Variants in PABPN1L observed in about 807,000 individuals in gnomAD.
The protein encoded by PABPN1L is PABPN1 like, cytoplasmic.
A neutral mutation model predicts 34.0 loss-of-function variants in PABPN1L; 45 were observed. The observed-to-expected ratio is 1.32, with a 90% CI of 1.04 to 1.70. PABPN1L has a LOEUF of 1.70. Among genes scored for constraint, PABPN1L ranks in the 40% most tolerant of loss-of-function variants. The pLI is 0.00. For synonymous variants in PABPN1L, 182 were observed against 152.1 expected (o/e 1.20, Z -1.45); for missense variants, 459 against 367.8 (o/e 1.25, Z -2.03).
At chr16:88,863,604 C>T (rs1414913673) in exon 7 of PABPN1L, 2 of 988,996 alleles carry the variant, frequency 2.0e-6, no homozygotes, top group South Asian at 1.4e-5. Flanking sequence ...ACTGGGCCAT[C>T]CCCCCGCCAA....
At chr16:88,864,420 C>T in intron 5 of PABPN1L, 41 bp from the exon 6 acceptor site, 1 of 1,530,900 alleles carries the variant, frequency 6.5e-7, no homozygotes, top group Non-Finnish European at 8.8e-7. Flanking sequence ...CAAGGAGCAG[C>T]CGAGACCCAG....
intron 6 of PABPN1L, 53 bp downstream of exon 6, chr16:88,864,184 T>C (rs1210158236): frequency 2.0e-6 from 3 of 1,512,248 alleles, no homozygotes; most frequent in Admixed American, 4.2e-5. Flanking sequence ...CTGCCCCTGA[T>C]GCCCTCCACC....
At chr16:88,865,764 A>G in intron 2 of PABPN1L, 42 bp downstream of exon 2, 3 of 1,575,456 alleles carry the variant, frequency 1.9e-6, no homozygotes, top group Non-Finnish European at 2.6e-6. Flanking sequence ...AAACTGTGGG[A>G]CCCTTGCTCA....
Position 88,865,016 on chromosome 16 carries a change from A to ACTGAC in PABPN1L, c.566+1_566+5dup. 1 of 1,599,430 alleles carries ACTGAC rather than the reference A, an allele frequency of 6.3e-7. No individual in the cohort carries two copies. Among genetic ancestry groups the ACTGAC allele is most frequent in the South Asian group, 1.1e-5 (1 of 88,994 alleles). On this transcript the variant is annotated splice_donor_region_variant and intron_variant, in intron 4 of 6. Transcript: ENST00000419291. ...GGCCAGTGCCCCCACCAGGCCCCAC[A>ACTGAC]CTGACCCCTTGGGGTGTCCAGAGAA...
upstream of PABPN1L, chr16:88,866,772 C>T: frequency 2.2e-6 from 2 of 928,526 alleles, no homozygotes; most frequent in Non-Finnish European, 1.5e-6. Flanking sequence ...AGCCTTGGCT[C>T]CCGGCCCCGC....
Position 88,864,842 on chromosome 16 carries a change from C to G in PABPN1L, c.654+11G>C. On this transcript the variant is annotated intron_variant, in intron 5 of 6. Transcript: ENST00000419291. ...CGCTCATGTTCCTGGACCTGGGGAG[C>G]ACCGGCGCACCTTGATGACCCGGCC... The G allele has an allele frequency of 6.3e-7, 1 of 1,599,378 alleles. No individual in the cohort carries two copies. The highest frequency in any genetic ancestry group is 8.5e-7 in the Non-Finnish European group (1 of 1,173,268).
chr16:88,867,235 C>CTT (rs892071561), upstream of PABPN1L, among the ~76,000 whole-genome samples: 3 of 123,710 alleles, frequency 2.4e-5, no homozygotes, highest in African/African-American at 9.2e-5. Flanking sequence ...TTTTTTTTTT[C>CTT]TTTTTTTTTT....
chr16:88,868,436 C>G (rs1322481551), upstream of PABPN1L, among the ~76,000 whole-genome samples: 1 of 152,102 alleles, frequency 6.6e-6, no homozygotes, highest in Non-Finnish European at 1.5e-5. Flanking sequence ...AACCCTGTCT[C>G]TACTAAAAAT....
rs920500670 is a variant in PABPN1L, at chr16:88,865,065, G to A, written c.523C>T (p.Arg175Ter). Residue 175 changes from arginine (R) to a stop codon, truncating the protein, a stop_gained, in exon 4 of 7, where the codon CGA becomes TGA. Transcript: ENST00000419291. LOFTEE classifies it high-confidence loss of function. ...AACTTGTCACACAGGATCGTGACTC[G>A]GTGGACCTCCCCACAGCGGCTGAAG... 6.3e-6 allele frequency: 10 copies of A among 1,597,110 alleles called. No individual in the cohort carries two copies. Among genetic ancestry groups the A allele is most frequent in the African/African-American group, 2.7e-5 (2 of 74,610 alleles).
chr16:88,864,996 G>A (rs1411969629), intron 4 of PABPN1L, 26 bp downstream of exon 4: 15 of 1,599,764 alleles, frequency 9.4e-6, no homozygotes, highest in African/African-American at 8.0e-5. Context: ...CGCATGGCCA[G>A]TGCCCCCACC....
At chr16:88,863,510 G>A (rs1407739742) in exon 7 of PABPN1L, 18 of 600,438 alleles carry the variant, frequency 3.0e-5, no homozygotes, top group Admixed American at 5.3e-5. Context: ...GCAGATCCCC[G>A]TGGGGCCCAT....
chr16:88,865,525 C>T, intron 3 of PABPN1L, 38 bp downstream of exon 3: 4 of 1,593,048 alleles, frequency 2.5e-6, no homozygotes, highest in Non-Finnish European at 3.4e-6. Context: ...GATGGGGCCC[C>T]ATTCGCTGCC....
At chr16:88,869,916 C>T (rs922924763), upstream of PABPN1L, among the ~76,000 whole-genome samples, 5 of 152,222 alleles carry the variant, frequency 3.3e-5, no homozygotes, top group African/African-American at 4.8e-5. Flanking sequence ...GTTCCAGAGC[C>T]GGGCCTGAGG....
intron 3 of PABPN1L, 64 bp from the exon 4 acceptor site, chr16:88,865,192 T>C (rs1034759319): frequency 1.3e-6 from 2 of 1,504,302 alleles, no homozygotes; most frequent in Non-Finnish European, 1.8e-6. Flanking sequence ...GCCTTCTTGT[T>C]AGAGGTGAGG....
upstream of PABPN1L, among the ~76,000 whole-genome samples, chr16:88,869,939 C>T (rs1020012881): frequency 3.3e-5 from 5 of 152,234 alleles, no homozygotes; most frequent in Admixed American, 2.6e-4. Flanking sequence ...TCATGGCAGC[C>T]TGGCCCCTGG....
chr16:88,869,479 T>C (rs554079727), upstream of PABPN1L, among the ~76,000 whole-genome samples: 6 of 152,332 alleles, frequency 3.9e-5, no homozygotes, highest in South Asian at 1.2e-3. Context: ...CCGTCCAGTG[T>C]TGATGACTTG....
At chr16:88,869,852 G>A (rs2143021586), upstream of PABPN1L, among the ~76,000 whole-genome samples, 1 of 152,372 alleles carries the variant, frequency 6.6e-6, no homozygotes, top group Admixed American at 6.5e-5. Flanking sequence ...TGCCTGGCAG[G>A]GGACAGACGG....
At chr16:88,863,964 C>A (rs925117725) in intron 6 of PABPN1L, among the ~76,000 whole-genome samples, 169 bp from the exon 7 acceptor site, 2 of 152,154 alleles carry the variant, frequency 1.3e-5, no homozygotes, top group East Asian at 3.8e-4. Context: ...GAGGGTCCCA[C>A]GAAAAGGAAA....
rs1348332064 is a variant in PABPN1L at position 88,864,958 on chromosome 16, G to A, written c.567-18C>T. 4 of 1,564,486 alleles carry A rather than the reference G, an allele frequency of 2.6e-6. No homozygotes were observed. In the South Asian group the frequency reaches 3.4e-5, roughly 13 times the overall value. Reference sequence around the variant, plus strand: ...AGGCATAACTGAGGGGAGGGGCAGGGAGGGGAGGGGTGAGGCTGGGCCCTG... The same window carrying A: ...AGGCATAACTGAGGGGAGGGGCAGGAAGGGGAGGGGTGAGGCTGGGCCCTG... On this transcript the variant is annotated intron_variant, in intron 4 of 6. Transcript: ENST00000419291.
Sources: gnomAD v4.1 joint callset for allele counts (sites outside exome capture counted in the v4.1 genomes callset) on GRCh38, gnomAD v4.1.1 for gene constraint, MANE v1.5 for transcripts, NCBI Gene and HGNC (gene_info 2026-07-23, HGNC 2026-07-21) for gene names.